Variants in PTPRT observed in about 807,000 individuals in gnomAD.
The protein encoded by PTPRT is protein tyrosine phosphatase receptor type T.
In PTPRT, 56 loss-of-function variants were observed where a neutral mutation model predicts 176.8. That is an observed-to-expected ratio of 0.32 (90% CI 0.26 to 0.40). The LOEUF (loss-of-function observed/expected upper bound fraction) is 0.40, where lower values mean the gene tolerates loss of function less well. Among genes scored for constraint, PTPRT ranks in the 10% least tolerant of loss-of-function variants. PTPRT has a pLI of 1.00. For missense variants in PTPRT, 1,540 were observed against 1,908.2 expected, an observed-to-expected ratio of 0.81 and a Z score of 3.60; for synonymous variants, 783 against 739.0, an observed-to-expected ratio of 1.06 and a Z score of -0.96.
chr20:43,057,563 A>G (rs1214217711), intron 1 of PTPRT, among the ~76,000 whole-genome samples: 1 of 152,268 alleles, frequency 6.6e-6, no homozygotes, highest in African/African-American at 2.4e-5. Context: ...CTAAGTTAAC[A>G]ATTTCCTGGT....
intron 7 of PTPRT, among the ~76,000 whole-genome samples, chr20:42,478,231 CG>C (rs2071325263): frequency 6.6e-6 from 1 of 152,116 alleles, no homozygotes; most frequent in African/African-American, 2.4e-5. Flanking sequence ...GAAGGGGCCA[CG>C]GGCTGACATT....
chr20:42,624,007 ACAAACAAACAAACAAAC>A (rs2074247362), intron 7 of PTPRT, among the ~76,000 whole-genome samples: 1 of 144,098 alleles, frequency 6.9e-6, no homozygotes, highest in African/African-American at 2.7e-5. Context: ...AACAATAGCA[ACAAACAAACAAACAAAC>A]AAAAAAAAAA....
At chr20:42,892,362 T>G (rs915809407) in intron 1 of PTPRT, among the ~76,000 whole-genome samples, 10 of 152,126 alleles carry the variant, frequency 6.6e-5, no homozygotes, top group Non-Finnish European at 1.3e-4. Flanking sequence ...TACCAAAGCC[T>G]GGGTACTTTC....
the PTPRT span, among the ~76,000 whole-genome samples, chr20:42,039,703 G>GTATATATATAT: frequency 1.7e-5 from 2 of 119,626 alleles, no homozygotes; most frequent in Admixed American, 8.5e-5. Context: ...TATATATATA[G>GTATATATATAT]TAATGTATAT....
chr20:42,446,230 A>G (rs1460676937), intron 9 of PTPRT, among the ~76,000 whole-genome samples: 3 of 152,172 alleles, frequency 2.0e-5, no homozygotes, highest in Non-Finnish European at 2.9e-5. Context: ...GTTGCCATCA[A>G]TCCAGTGCAA....
At chr20:42,057,479 T>A in the PTPRT span, among the ~76,000 whole-genome samples, 1 of 152,232 alleles carries the variant, frequency 6.6e-6, no homozygotes, top group Admixed American at 6.5e-5. Context: ...TTCCCCATCT[T>A]CTTTTCCTTC....
intron 1 of PTPRT, among the ~76,000 whole-genome samples, chr20:42,928,801 G>A (rs1979650404): frequency 6.6e-6 from 1 of 152,122 alleles, no homozygotes; most frequent in South Asian, 2.1e-4. Flanking sequence ...AACTATTTCA[G>A]GGAAGACGCT....
chr20:42,856,504 G>A (rs1218641244), intron 2 of PTPRT, among the ~76,000 whole-genome samples: 5 of 151,992 alleles, frequency 3.3e-5, no homozygotes, highest in African/African-American at 1.2e-4. Flanking sequence ...AAATTAAAGA[G>A]AATTTAAGCT....
In PTPRT at chr20:42,113,452, G is replaced by A. The variant is rs545698680; in HGVS notation, c.3099+1747C>T. 4.6e-5 allele frequency among the ~76,000 whole-genome samples: 7 copies of A among 152,270 alleles called. No individual in the cohort carries two copies. In the South Asian group the frequency reaches 1.5e-3, roughly 32 times the overall value. On this transcript the variant is annotated intron_variant, in intron 22 of 30. Coordinates refer to ENST00000373187, the MANE Select transcript of PTPRT (RefSeq NM_007050.6). Reference sequence around the variant, plus strand: ...TGTTGGTTGCTACTGCCTTTCAATTGTCCCCTTCTCTGGAGACACGCCCTC... The same window carrying A: ...TGTTGGTTGCTACTGCCTTTCAATTATCCCCTTCTCTGGAGACACGCCCTC...
chr20:42,077,093 C>T lies in PTPRT; in HGVS notation c.*3786G>A, dbSNP rs977663554. 1.1e-5 allele frequency: 2 copies of T among 182,828 alleles called. No homozygotes were observed. Among genetic ancestry groups the T allele is most frequent in the African/African-American group, 4.7e-5 (2 of 42,482 alleles). The allele number at this position is 182,828 out of a possible 1,614,324, so 11.3% of individuals were successfully genotyped here. A position where few individuals can be genotyped will look rare whatever the true frequency, so the allele number is the denominator to read the frequency against. On this transcript the variant is annotated 3_prime_UTR_variant, in exon 31 of 31. Coordinates refer to ENST00000373187, the MANE Select transcript of PTPRT (RefSeq NM_007050.6). ...ATCAGTAAATGGTGACAATCACAAACCCTCCTTTAGAATGCTGGAAGAATT... is the reference window on the plus strand; with the variant it reads ...ATCAGTAAATGGTGACAATCACAAATCCTCCTTTAGAATGCTGGAAGAATT...
intron 8 of PTPRT, among the ~76,000 whole-genome samples, chr20:42,463,700 A>AGT (rs962039845): frequency 1.3e-5 from 2 of 152,120 alleles, no homozygotes; most frequent in Non-Finnish European, 2.9e-5. Context: ...ATACCAAGGT[A>AGT]GTATATATAA....
chr20:43,009,806 G>A (rs951232099), intron 1 of PTPRT, among the ~76,000 whole-genome samples: 1 of 152,182 alleles, frequency 6.6e-6, no homozygotes, highest in African/African-American at 2.4e-5. Context: ...GACCCCCTCA[G>A]AGACCCAGGG....
chr20:42,802,965 C>A (rs541907174), intron 2 of PTPRT, among the ~76,000 whole-genome samples: 2 of 152,172 alleles, frequency 1.3e-5, no homozygotes, highest in Non-Finnish European at 2.9e-5. Flanking sequence ...GTATGTTACA[C>A]GCTTAGAATA....
intron 1 of PTPRT, among the ~76,000 whole-genome samples, chr20:43,149,701 T>C (rs2014283600): frequency 6.6e-6 from 1 of 152,214 alleles, no homozygotes; most frequent in Non-Finnish European, 1.5e-5. Context: ...CTTTCTCACT[T>C]AGCAACCATG....
intron 7 of PTPRT, among the ~76,000 whole-genome samples, chr20:42,490,319 A>C (rs1460437219): frequency 6.6e-6 from 1 of 152,166 alleles, no homozygotes; most frequent in African/African-American, 2.4e-5. Flanking sequence ...AGATAAATTC[A>C]GGGGGGATTT....
intron 12 of PTPRT, among the ~76,000 whole-genome samples, chr20:42,286,571 C>T (rs929901158): frequency 2.6e-5 from 4 of 151,766 alleles, no homozygotes; most frequent in Non-Finnish European, 4.4e-5. Context: ...TCACCCTATA[C>T]AAAAATCAAC....
chr20:42,334,449 C>T (rs2058012591), intron 11 of PTPRT, among the ~76,000 whole-genome samples: 1 of 152,158 alleles, frequency 6.6e-6, no homozygotes, highest in South Asian at 2.1e-4. Flanking sequence ...ATAAAAATAC[C>T]TAGAAAAATA....
intron 2 of PTPRT, among the ~76,000 whole-genome samples, chr20:42,860,609 C>T (rs753610850): frequency 3.3e-5 from 5 of 152,134 alleles, no homozygotes; most frequent in Non-Finnish European, 7.4e-5. Context: ...TAAGCCAATT[C>T]CTCAGGCTTT....
chr20:42,922,162 C>T (rs534734754), intron 1 of PTPRT, among the ~76,000 whole-genome samples: 1 of 152,296 alleles, frequency 6.6e-6, no homozygotes, highest in South Asian at 2.1e-4. Flanking sequence ...TCTCAAACTC[C>T]TGACCTCGTG....
Sources: gnomAD v4.1 joint callset for allele counts (sites outside exome capture counted in the v4.1 genomes callset) on GRCh38, gnomAD v4.1.1 for gene constraint, MANE v1.5 for transcripts, NCBI Gene and HGNC (gene_info 2026-07-23, HGNC 2026-07-21) for gene names.